Variants in HIVEP3 observed in about 807,000 individuals in gnomAD.
HIVEP3 encodes transcription factor HIVEP3.
A neutral mutation model predicts 152.8 loss-of-function variants in HIVEP3; 49 were observed. The ratio of observed to expected loss-of-function variants is 0.32; its 90% CI spans 0.26 to 0.41. The LOEUF (loss-of-function observed/expected upper bound fraction) is 0.41. Among genes scored for constraint, HIVEP3 ranks in the 10% least tolerant of loss-of-function variants. The pLI, the probability that HIVEP3 is intolerant of heterozygous loss-of-function variation, is 1.00. For synonymous variants in HIVEP3, 1,269 were observed against 1,289.0 expected (o/e 0.98, Z 0.33); for missense variants, 2,790 against 3,103.3 (o/e 0.90, Z 2.40).
chr1:41,937,931 A>C (rs1645027743), intron 1 of HIVEP3, among the ~76,000 whole-genome samples: 1 of 152,226 alleles, frequency 6.6e-6, no homozygotes, highest in African/African-American at 2.4e-5. Context: ...AGATCTGCAC[A>C]AAGTATTCTA....
At chr1:41,684,159 G>A (rs779205290) in intron 2 of HIVEP3, among the ~76,000 whole-genome samples, 5 of 152,160 alleles carry the variant, frequency 3.3e-5, no homozygotes, top group African/African-American at 4.8e-5. Flanking sequence ...ACAGGGGTGC[G>A]GGAGGACCCA....
At chr1:42,031,207 T>A (rs2124540929) in intron 1 of HIVEP3, among the ~76,000 whole-genome samples, 1 of 152,300 alleles carries the variant, frequency 6.6e-6, no homozygotes, top group Middle Eastern at 3.4e-3. Context: ...CAATTACCCC[T>A]ACAGCCTCTT....
rs1644439381 is a variant in HIVEP3 at position 41,582,958 on chromosome 1, C to T, written c.1840G>A (p.Ala614Thr). Residue 614 changes from alanine (A) to threonine (T), a missense_variant, in exon 4 of 9, where the codon GCC becomes ACC. Coordinates refer to ENST00000372583, the MANE Select transcript of HIVEP3 (RefSeq NM_024503.5). The surrounding 1 kb of genome is among the most constrained non-coding windows in gnomAD (Gnocchi z 4.7). ...EEPGPSSKDT[A>T]SKPSDEVEPK... The stretch of plus-strand genomic sequence containing the variant: ...TCCACTTCGTCCGAGGGCTTGGAGG[C>T]TGTGTCTTTGCTGCTTGGGCCAGGC... 6.2e-7 allele frequency: 1 copy of T among 1,614,102 alleles called. No homozygotes were observed. The highest frequency in any genetic ancestry group is 8.5e-7 in the Non-Finnish European group (1 of 1,180,034).
intron 1 of HIVEP3, among the ~76,000 whole-genome samples, chr1:41,729,692 G>T (rs935846558): frequency 6.6e-6 from 1 of 152,218 alleles, no homozygotes; most frequent in Non-Finnish European, 1.5e-5. Context: ...GCAGCCCTAG[G>T]CTTGGGACCA....
chr1:41,695,023 T>C (rs1193464723), intron 2 of HIVEP3, among the ~76,000 whole-genome samples: 1 of 152,236 alleles, frequency 6.6e-6, no homozygotes, highest in African/African-American at 2.4e-5. Flanking sequence ...GCAAGGGTCC[T>C]GCTGTCACTA....
intron 1 of HIVEP3, among the ~76,000 whole-genome samples, chr1:41,786,758 T>TC (rs1558268235): frequency 6.6e-6 from 1 of 151,274 alleles, no homozygotes; most frequent in East Asian, 1.9e-4. Flanking sequence ...TTCTTTCTTT[T>TC]TTTTTTTTTT....
chr1:41,969,125 C>G (rs1008612785), intron 1 of HIVEP3, among the ~76,000 whole-genome samples: 7 of 152,088 alleles, frequency 4.6e-5, no homozygotes, highest in Admixed American at 4.6e-4. Context: ...GTGAAAATGG[C>G]CATATTGCCC....
intron 5 of HIVEP3, among the ~76,000 whole-genome samples, chr1:41,574,165 C>T (rs180974552): frequency 6.6e-6 from 1 of 152,082 alleles, no homozygotes; most frequent in African/African-American, 2.4e-5. Context: ...CCACAGAGAA[C>T]CTCTGAAGCA....
At chr1:41,651,945 G>T (rs1318312098) in intron 2 of HIVEP3, among the ~76,000 whole-genome samples, 1 of 152,110 alleles carries the variant, frequency 6.6e-6, no homozygotes, top group Non-Finnish European at 1.5e-5. Flanking sequence ...TATGTTTTTA[G>T]TTAGTTGATA....
At chr1:41,898,038 C>G (rs986770308) in intron 1 of HIVEP3, among the ~76,000 whole-genome samples, 89 of 150,454 alleles carry the variant, frequency 5.9e-4, no homozygotes, top group Non-Finnish European at 4.4e-5. Flanking sequence ...AGCCTCAGAG[C>G]CTGCCATCCC....
chr1:41,726,451 C>T (rs1260363661), intron 1 of HIVEP3, among the ~76,000 whole-genome samples: 1 of 152,204 alleles, frequency 6.6e-6, no homozygotes, highest in Non-Finnish European at 1.5e-5. Context: ...TCATAAACAG[C>T]CATGGCAGTG....
Position 41,510,577 on chromosome 1 carries a change from G to A in HIVEP3, c.7095C>T (p.Phe2365=). The A allele has an allele frequency of 6.4e-7, 1 of 1,560,184 alleles. No homozygotes were observed. The highest frequency in any genetic ancestry group is 8.7e-7 in the Non-Finnish European group (1 of 1,152,416). ...CGGAGAGGTTCCTCGTCCGGGCTGG[G>A]AAGCGGGCAGAGGCCTCTGCCAGGC... ...VGCLAEASAR[F]PARTRNLSGE... The change falls in exon 9 of 9, where the codon TTC becomes TTT. Residue 2365 remains phenylalanine, a synonymous_variant. Transcript: ENST00000372583.
chr1:41,731,327 C>T (rs1209478881), intron 1 of HIVEP3, among the ~76,000 whole-genome samples: 1 of 152,144 alleles, frequency 6.6e-6, no homozygotes, highest in African/African-American at 2.4e-5. Context: ...TGAATCCACC[C>T]CAGGGCCCCA....
intron 2 of HIVEP3, among the ~76,000 whole-genome samples, chr1:41,686,151 A>C (rs1045305536): frequency 5.3e-5 from 8 of 151,996 alleles, no homozygotes; most frequent in African/African-American, 1.9e-4. Flanking sequence ...AGCCCACTAC[A>C]ACCTCTACCT....
intron 1 of HIVEP3, among the ~76,000 whole-genome samples, chr1:41,999,588 GATAA>G (rs1464933197): frequency 6.6e-6 from 1 of 152,178 alleles, no homozygotes; most frequent in Admixed American, 6.5e-5. Context: ...TACAAATTGA[GATAA>G]ATAGAGAAAA....
intron 1 of HIVEP3, among the ~76,000 whole-genome samples, chr1:41,802,036 T>C (rs114122589): frequency 0.015 from 2,355 of 152,242 alleles, 62 homozygotes; most frequent in African/African-American, 0.053. Context: ...GTAAATGCCA[T>C]GGCGGCTGGG....
intron 1 of HIVEP3, among the ~76,000 whole-genome samples, chr1:41,912,211 G>GAGGT (rs1434348823): frequency 1.3e-5 from 2 of 152,156 alleles, no homozygotes; most frequent in African/African-American, 4.8e-5. Context: ...AGGGTGGAGG[G>GAGGT]AGGTACACAG....
intron 1 of HIVEP3, among the ~76,000 whole-genome samples, chr1:41,906,617 A>G (rs1557508286): frequency 6.6e-6 from 1 of 152,136 alleles, no homozygotes; most frequent in Non-Finnish European, 1.5e-5. Flanking sequence ...GGTGATGGCT[A>G]CACTGGTGCA....
chr1:41,948,545 G>A (rs1645087596), intron 1 of HIVEP3, among the ~76,000 whole-genome samples: 1 of 150,472 alleles, frequency 6.6e-6, no homozygotes, highest in Admixed American at 6.6e-5. Flanking sequence ...AAGCCAAAGA[G>A]CCGCAAGGCA....
Sources: gnomAD v4.1 joint callset for allele counts (sites outside exome capture counted in the v4.1 genomes callset) on GRCh38, gnomAD v4.1.1 for gene constraint, Gnocchi (gnomAD v3.1) non-coding constraint, MANE v1.5 for transcripts, NCBI Gene and HGNC (gene_info 2026-07-23, HGNC 2026-07-21) for gene names.